Variants in STK33 observed in about 807,000 individuals in gnomAD.
STK33 encodes serine/threonine-protein kinase 33.
A neutral mutation model predicts 58.0 loss-of-function variants in STK33; 52 were observed. The ratio of observed to expected loss-of-function variants is 0.90; its 90% CI spans 0.72 to 1.13. The LOEUF (loss-of-function observed/expected upper bound fraction) is 1.13, where lower values mean the gene tolerates loss of function less well. STK33 is among the 50% of genes most tolerant of loss of function. The probability of loss-of-function intolerance (pLI) is 0.00; values close to 1 mark genes in which losing one functional copy is unlikely to be tolerated. For missense variants in STK33, 630 were observed against 604.2 expected, an observed-to-expected ratio of 1.04 and a Z score of -0.45; for synonymous variants, 215 against 200.1, an observed-to-expected ratio of 1.07 and a Z score of -0.63.
intron 1 of STK33, among the ~76,000 whole-genome samples, chr11:8,557,661 T>G (rs11041981): frequency 6.6e-6 from 1 of 151,800 alleles, no homozygotes; most frequent in Non-Finnish European, 1.5e-5. Flanking sequence ...CCTTTATTCA[T>G]GTATATCATG....
At chr11:8,388,812 A>C (rs1848579206), downstream of STK33, among the ~76,000 whole-genome samples, 1 of 152,114 alleles carries the variant, frequency 6.6e-6, no homozygotes, top group Non-Finnish European at 1.5e-5. Flanking sequence ...TTCAGATTTC[A>C]GGTTCGGTAT....
the STK33 span, among the ~76,000 whole-genome samples, chr11:8,356,232 CAG>C: frequency 6.6e-6 from 1 of 152,196 alleles, no homozygotes; most frequent in African/African-American, 2.4e-5. Flanking sequence ...CCAGTGGGAA[CAG>C]AGACAGGGAA....
Position 8,392,424 on chromosome 11 carries a change from G to A in STK33, c.*86C>T. On this transcript the variant is annotated 3_prime_UTR_variant, in exon 16 of 16. Transcript: ENST00000687296. ...GCTAAAAGGCTACAAGCTCAGCATA[G>A]GGCTGTCTTCTTCCCCTCCTACCCC... 6.7e-7 allele frequency: 1 copy of A among 1,485,084 alleles called. No individual in the cohort carries two copies. The highest frequency in any genetic ancestry group is 1.2e-5 in the South Asian group (1 of 85,368). The allele number at this position is 1,485,084 out of a possible 1,614,324, so 92.0% of individuals were successfully genotyped here.
At chr11:8,487,821 A>G (rs1950295788) in intron 1 of STK33, among the ~76,000 whole-genome samples, 1 of 152,230 alleles carries the variant, frequency 6.6e-6, no homozygotes, top group Non-Finnish European at 1.5e-5. Flanking sequence ...AAATGGCAAA[A>G]AAAATCAGAA....
At chr11:8,547,095 G>A (rs1053485663) in intron 1 of STK33, among the ~76,000 whole-genome samples, 1 of 152,118 alleles carries the variant, frequency 6.6e-6, no homozygotes, top group Non-Finnish European at 1.5e-5. Flanking sequence ...TCCTTTTGGA[G>A]AATAGCCATT....
intron 1 of STK33, among the ~76,000 whole-genome samples, chr11:8,483,779 C>T (rs575988532): frequency 4.6e-5 from 7 of 152,260 alleles, no homozygotes; most frequent in South Asian, 2.1e-4. Flanking sequence ...AGTGTTTCAA[C>T]GTGACAGAAT....
the STK33 span, among the ~76,000 whole-genome samples, chr11:8,381,442 T>C: frequency 6.6e-6 from 1 of 152,036 alleles, no homozygotes; most frequent in Admixed American, 6.5e-5. Flanking sequence ...CCACGGAGAA[T>C]GAAAGCAGGG....
chr11:8,473,622 T>C (rs903606584), intron 5 of STK33, among the ~76,000 whole-genome samples: 6 of 152,186 alleles, frequency 3.9e-5, no homozygotes, highest in African/African-American at 1.4e-4. Context: ...TTAACAACCA[T>C]TATCAAACAG....
intron 15 of STK33, among the ~76,000 whole-genome samples, chr11:8,394,861 A>C (rs767853114): frequency 1.3e-5 from 2 of 152,124 alleles, no homozygotes; most frequent in Non-Finnish European, 2.9e-5. Flanking sequence ...CCTCAGCCAA[A>C]TTTTTTTGTA....
rs1242131939 is a variant in STK33 at position 8,474,663 on chromosome 11, G to A, written c.225+18C>T. ...GGGATGTCAACTTGTGCTTAGATGT[G>A]GAATCTTTGATATTTACCAAATCTT... On this transcript the variant is annotated intron_variant, in intron 5 of 15. Transcript: ENST00000687296. The A allele has an allele frequency of 2.5e-6, 4 of 1,573,632 alleles. No individual in the cohort carries two copies. Among genetic ancestry groups the A allele is most frequent in the Non-Finnish European group, 3.5e-6 (4 of 1,155,696 alleles).
chr11:8,506,137 G>A (rs574299905), intron 1 of STK33, among the ~76,000 whole-genome samples: 8 of 152,206 alleles, frequency 5.3e-5, no homozygotes, highest in Admixed American at 3.3e-4. Context: ...CACAATCTCC[G>A]TAAATTCAAC....
intron 12 of STK33, among the ~76,000 whole-genome samples, chr11:8,440,227 A>T (rs929034079): frequency 6.6e-6 from 1 of 152,096 alleles, no homozygotes; most frequent in Non-Finnish European, 1.5e-5. Context: ...TGGGAACTGT[A>T]GAATACTCCC....
At chr11:8,371,601 T>TTCTC in the STK33 span, among the ~76,000 whole-genome samples, 74,027 of 151,078 alleles carry the variant, frequency 0.49, 18,284 homozygotes, top group Middle Eastern at 0.54. Context: ...GACTTTTCCT[T>TTCTC]TCTCTTTCTT....
rs1404172578 is a variant in STK33 at position 8,544,170 on chromosome 11, C to T, written c.-466+49913G>A. 5.3e-5 allele frequency among the ~76,000 whole-genome samples: 8 copies of T among 151,918 alleles called. No individual in the cohort carries two copies. In the South Asian group the frequency reaches 1.7e-3, roughly 32 times the overall value. On this transcript the variant is annotated intron_variant, in intron 1 of 15. Coordinates refer to ENST00000687296, the MANE Select transcript of STK33 (RefSeq NM_001352389.2). Reference sequence around the variant, plus strand: ...TGCTATCCCTCCCATAGCCCCCCATCCCCCGACAGGCACGGGTGTGTGATG... The same window carrying T: ...TGCTATCCCTCCCATAGCCCCCCATTCCCCGACAGGCACGGGTGTGTGATG...
At chr11:8,582,803 GA>G (rs764491866) in intron 1 of STK33, among the ~76,000 whole-genome samples, 7 of 152,134 alleles carry the variant, frequency 4.6e-5, no homozygotes, top group Non-Finnish European at 7.3e-5. Flanking sequence ...GGTATGTTCA[GA>G]AACATAAAAC....
At chr11:8,401,897 A>G (rs571429344) in intron 15 of STK33, among the ~76,000 whole-genome samples, 208 of 152,214 alleles carry the variant, frequency 1.4e-3, no homozygotes, top group Non-Finnish European at 1.8e-3. Context: ...AGAGAAATGC[A>G]AATCAAAACC....
At chr11:8,562,581 G>C (rs565804020) in intron 1 of STK33, among the ~76,000 whole-genome samples, 2 of 151,830 alleles carry the variant, frequency 1.3e-5, no homozygotes, top group South Asian at 2.1e-4. Context: ...CTAGTCCATA[G>C]CTAGGAACTG....
At chr11:8,524,141 G>A (rs541588510) in intron 1 of STK33, among the ~76,000 whole-genome samples, 27 of 152,126 alleles carry the variant, frequency 1.8e-4, no homozygotes, top group Middle Eastern at 3.4e-3. Flanking sequence ...AGTCATCACC[G>A]CTCCCTAATC....
At chr11:8,464,644 G>A in intron 7 of STK33, 65 bp downstream of exon 7, 1 of 1,177,926 alleles carries the variant, frequency 8.5e-7, no homozygotes, top group Non-Finnish European at 1.3e-6. Flanking sequence ...GTAAAAAGCT[G>A]TACTGTCCAC....
Sources: allele counts gnomAD v4.1 joint callset (sites outside exome capture counted in the v4.1 genomes callset), GRCh38; gene constraint gnomAD v4.1.1; transcripts MANE v1.5; gene names NCBI Gene and HGNC (gene_info 2026-07-23, HGNC 2026-07-21).